Variants in ZBBX observed in about 807,000 individuals in gnomAD.
The protein encoded by ZBBX is zinc finger B-box domain containing, also known as zinc finger B-box domain-containing protein 1.
A neutral mutation model predicts 108.5 loss-of-function variants in ZBBX; 101 were observed. The ratio of observed to expected loss-of-function variants is 0.93; its 90% confidence interval spans 0.79 to 1.10. The LOEUF is 1.10. Ranked by LOEUF, ZBBX falls within the 50% of genes least tolerant of loss-of-function variation. The pLI is 0.00. For missense variants in ZBBX, 1,009 were observed against 941.4 expected, an observed-to-expected ratio of 1.07 and a Z score of -0.94; for synonymous variants, 356 against 323.4, an observed-to-expected ratio of 1.10 and a Z score of -1.08.
intron 5 of ZBBX, among the ~76,000 whole-genome samples, chr3:167,367,864 G>A (rs1745556581): frequency 6.7e-6 from 1 of 149,270 alleles, no homozygotes; most frequent in Admixed American, 6.7e-5. Context: ...AAATATATAA[G>A]CATAATATTA....
At chr3:167,349,124 C>T (rs1742210898) in intron 9 of ZBBX, among the ~76,000 whole-genome samples, 1 of 152,008 alleles carries the variant, frequency 6.6e-6, no homozygotes, top group South Asian at 2.1e-4. Context: ...GGAGCCATGT[C>T]TCATTGTTCT....
chr3:167,319,815 T>C (rs1391190533), intron 12 of ZBBX, among the ~76,000 whole-genome samples: 1 of 151,988 alleles, frequency 6.6e-6, no homozygotes, highest in Admixed American at 6.6e-5. Context: ...AATAAATATA[T>C]TATAGATAAT....
At chr3:167,276,918 G>T (rs1416575792) in intron 20 of ZBBX, among the ~76,000 whole-genome samples, 1 of 152,152 alleles carries the variant, frequency 6.6e-6, no homozygotes, top group East Asian at 1.9e-4. Context: ...CTACAAGCCA[G>T]AAGAGAGTGG....
At chr3:167,390,180 A>G (rs1006264245) in intron 1 of ZBBX, among the ~76,000 whole-genome samples, 4 of 152,062 alleles carry the variant, frequency 2.6e-5, no homozygotes, top group African/African-American at 9.7e-5. Context: ...TTTCCTGCAT[A>G]TGGCTAGCCA....
the ZBBX span, among the ~76,000 whole-genome samples, chr3:167,186,088 C>T: frequency 6.6e-6 from 1 of 151,794 alleles, no homozygotes; most frequent in African/African-American, 2.4e-5. Context: ...TTTCTGCTCA[C>T]AATTGAAGCT....
chr3:167,298,951 G>A (rs1458531724), intron 17 of ZBBX, among the ~76,000 whole-genome samples: 1 of 151,990 alleles, frequency 6.6e-6, no homozygotes, highest in Non-Finnish European at 1.5e-5. Context: ...AGGAAACTGT[G>A]GCAAGAGGAA....
At chr3:167,343,909 C>T (rs1237637195) in intron 9 of ZBBX, among the ~76,000 whole-genome samples, 1 of 151,912 alleles carries the variant, frequency 6.6e-6, no homozygotes, top group Admixed American at 6.6e-5. Context: ...CCACAAAAAA[C>T]TTGTACACAA....
the ZBBX span, among the ~76,000 whole-genome samples, chr3:167,182,952 A>T: frequency 8.5e-5 from 13 of 152,086 alleles, no homozygotes; most frequent in African/African-American, 3.1e-4. Flanking sequence ...CCTCTCATCT[A>T]GCTTGCTGAA....
upstream of ZBBX, among the ~76,000 whole-genome samples, chr3:167,384,710 A>G (rs1054219666): frequency 2.0e-5 from 3 of 152,028 alleles, no homozygotes; most frequent in Non-Finnish European, 2.9e-5. Flanking sequence ...AAATAGACCA[A>G]TATAAAACCC....
intron 20 of ZBBX, among the ~76,000 whole-genome samples, chr3:167,266,205 C>T (rs1190776652): frequency 6.6e-6 from 1 of 152,082 alleles, no homozygotes; most frequent in Non-Finnish European, 1.5e-5. Context: ...TTTTTCTCAA[C>T]TTTTGAAGGT....
At chr3:167,358,635 C>T (rs1743989029) in intron 8 of ZBBX, among the ~76,000 whole-genome samples, 1 of 152,036 alleles carries the variant, frequency 6.6e-6, no homozygotes. Context: ...CACATTATAG[C>T]TTTTAAGAGA....
chr3:167,311,691 T>C lies in ZBBX; in HGVS notation c.1417+2283A>G, dbSNP rs553848104. Among the ~76,000 whole-genome samples the C allele has an allele frequency of 5.3e-5, 8 of 151,930 alleles. No individual in the cohort carries two copies. In the East Asian group the frequency reaches 1.5e-3, roughly 29 times the overall value. ...TAAGCATATTAAAAGATTCTCGATA[T>C]CATATGTCAACAGAGAATTGCAAAT... is the stretch of plus-strand genomic sequence containing the variant. On this transcript the variant is annotated intron_variant, in intron 16 of 21. Transcript: ENST00000675490.
intron 9 of ZBBX, among the ~76,000 whole-genome samples, chr3:167,335,077 C>G (rs773273871): frequency 6.6e-6 from 1 of 152,126 alleles, no homozygotes; most frequent in Non-Finnish European, 1.5e-5. Context: ...CAACTGTACA[C>G]GGTATTTACC....
chr3:167,284,461 GTAAAA>G (rs1298942325), intron 19 of ZBBX, among the ~76,000 whole-genome samples: 1 of 151,842 alleles, frequency 6.6e-6, no homozygotes, highest in East Asian at 1.9e-4. Flanking sequence ...CTCAATCAAG[GTAAAA>G]TTTAAAGGAA....
chr3:167,218,859 T>C, the ZBBX span, among the ~76,000 whole-genome samples: 25 of 152,082 alleles, frequency 1.6e-4, no homozygotes, highest in African/African-American at 5.3e-4. Context: ...ACAACAAAAC[T>C]GAATAATCTT....
At position 167,282,237 on chromosome 3, in the gene ZBBX, C is replaced by A. The variant is rs760866750; in HGVS notation, c.2254+1G>T. 3 of 1,603,464 alleles carry A rather than the reference C, an allele frequency of 1.9e-6. No individual in the cohort carries two copies. Among genetic ancestry groups the A allele is most frequent in the Non-Finnish European group, 2.6e-6 (3 of 1,175,586 alleles). On this transcript the variant is annotated splice_donor_variant, in intron 20 of 21. Coordinates refer to ENST00000675490, the MANE Select transcript of ZBBX (RefSeq NM_001199201.2). LOFTEE classifies it high-confidence loss of function. ...TAAAGTGAAAAAAAAAATAGGATTA[C>A]CTGCAAGAGATCTCAGCACTTGTAA...
chr3:167,345,819 A>C (rs747017566), intron 9 of ZBBX, among the ~76,000 whole-genome samples: 1 of 151,910 alleles, frequency 6.6e-6, no homozygotes, highest in Non-Finnish European at 1.5e-5. Context: ...AAGCTACACT[A>C]CAAGGCTACA....
At chr3:167,257,434 G>A (rs1462556054) in intron 20 of ZBBX, among the ~76,000 whole-genome samples, 3 of 151,980 alleles carry the variant, frequency 2.0e-5, no homozygotes, top group African/African-American at 4.8e-5. Flanking sequence ...AAAACATACA[G>A]TACTATGCTG....
intron 14 of ZBBX, among the ~76,000 whole-genome samples, 189 bp downstream of exon 14, chr3:167,316,816 T>C (rs1401127940): frequency 6.6e-6 from 1 of 152,050 alleles, no homozygotes; most frequent in East Asian, 1.9e-4. Context: ...CTCACAAATT[T>C]ACTGTTTACA....
Sources: gnomAD v4.1 joint callset for allele counts (sites outside exome capture counted in the v4.1 genomes callset) on GRCh38, gnomAD v4.1.1 for gene constraint, MANE v1.5 for transcripts, NCBI Gene and HGNC (gene_info 2026-07-23, HGNC 2026-07-21) for gene names.